SNX25: variants seen among roughly 807,000 people sequenced by gnomAD.
The protein encoded by SNX25 is sorting nexin 25, also known as sorting nexin-25.
Under a neutral mutation model 113.7 loss-of-function variants are expected in SNX25, and 62 were observed. The observed-to-expected ratio is 0.55, with a 90% CI of 0.44 to 0.67. SNX25 has a LOEUF of 0.67. Ranked by LOEUF, SNX25 falls within the 30% of genes least tolerant of loss-of-function variation. The pLI is 0.00. For synonymous variants in SNX25, 421 were observed against 436.2 expected, an observed-to-expected ratio of 0.97 and a Z score of 0.43; for missense variants, 1,014 against 1,161.0, an observed-to-expected ratio of 0.87 and a Z score of 1.84.
intron 7 of SNX25, among the ~76,000 whole-genome samples, chr4:185,312,525 C>CTT (rs35806929): frequency 1.2e-4 from 17 of 139,940 alleles, no homozygotes; most frequent in African/African-American, 2.9e-4. Context: ...TTGATTTGTT[C>CTT]TTTTTTTTTT....
downstream of SNX25, chr4:185,367,190 T>C (rs755045117): frequency 5.6e-6 from 9 of 1,612,654 alleles, no homozygotes; most frequent in Admixed American, 1.7e-5. Context: ...CTAAATTCTT[T>C]GACGAATAAG....
chr4:185,316,848 AT>A (rs1473352227), intron 7 of SNX25, among the ~76,000 whole-genome samples: 2 of 152,180 alleles, frequency 1.3e-5, no homozygotes, highest in African/African-American at 4.8e-5. Context: ...TACAGTTAGG[AT>A]TTTGTGCTTC....
intron 1 of SNX25, among the ~76,000 whole-genome samples, chr4:185,236,762 T>G (rs1009133991): frequency 1.3e-5 from 2 of 152,208 alleles, no homozygotes; most frequent in African/African-American, 4.8e-5. Context: ...TCAGACATTG[T>G]TACAGTACTT....
At chr4:185,345,205 C>G (rs2095279660) in intron 12 of SNX25, among the ~76,000 whole-genome samples, 1 of 152,154 alleles carries the variant, frequency 6.6e-6, no homozygotes, top group African/African-American at 2.4e-5. Context: ...GGGCTATTCT[C>G]TTACCCCTGC....
At chr4:185,221,539 C>A (rs1739857335) in intron 1 of SNX25, among the ~76,000 whole-genome samples, 1 of 152,060 alleles carries the variant, frequency 6.6e-6, no homozygotes, top group African/African-American at 2.4e-5. Flanking sequence ...TCATGTCCCA[C>A]CTAGATGACT....
chr4:185,358,977 C>T (rs899262209), intron 16 of SNX25, among the ~76,000 whole-genome samples: 1 of 152,112 alleles, frequency 6.6e-6, no homozygotes, highest in Non-Finnish European at 1.5e-5. Flanking sequence ...AGAACATTTG[C>T]TATTTTTTTA....
intron 2 of SNX25, among the ~76,000 whole-genome samples, chr4:185,252,372 A>G (rs1423489586): frequency 6.6e-6 from 1 of 152,220 alleles, no homozygotes; most frequent in Admixed American, 6.5e-5. Context: ...TCAGAATGTT[A>G]TTAACTAGCT....
At chr4:185,265,226 G>A (rs1206682369) in intron 4 of SNX25, among the ~76,000 whole-genome samples, 1 of 152,178 alleles carries the variant, frequency 6.6e-6, no homozygotes, top group Non-Finnish European at 1.5e-5. Flanking sequence ...TAACAACAGG[G>A]ATGTGTCCGA....
chr4:185,296,482 T>A (rs1752857275), intron 6 of SNX25, among the ~76,000 whole-genome samples: 1 of 152,118 alleles, frequency 6.6e-6, no homozygotes, highest in African/African-American at 2.4e-5. Context: ...AGGTGGAAAT[T>A]TTTATTTGAT....
At chr4:185,287,669 A>G (rs1188482497) in intron 5 of SNX25, among the ~76,000 whole-genome samples, 2 of 152,230 alleles carry the variant, frequency 1.3e-5, no homozygotes, top group African/African-American at 4.8e-5. Flanking sequence ...GTGCCAATGT[A>G]AGAAGTAGAA....
chr4:185,206,324 T>TG (rs968743881), upstream of SNX25, among the ~76,000 whole-genome samples: 1 of 152,196 alleles, frequency 6.6e-6, no homozygotes, highest in African/African-American at 2.4e-5. Context: ...GCCCATGACT[T>TG]GTGCGCCTCT....
intron 5 of SNX25, 137 bp downstream of exon 5, chr4:185,267,292 C>A: frequency 1.2e-6 from 1 of 805,282 alleles, no homozygotes; most frequent in East Asian, 2.7e-5. Context: ...TTAGTGACAG[C>A]TAAATTTATC....
In SNX25 at chr4:185,210,985, C is replaced by T. The variant is rs1240566602; in HGVS notation, c.429+730C>T. Among the ~76,000 whole-genome samples the T allele has an allele frequency of 6.6e-6, 1 of 152,148 alleles. No homozygotes were observed. The highest frequency in any genetic ancestry group is 1.5e-5 in the Non-Finnish European group (1 of 68,028). ...CAAACCCACTGCCCCATCTTTCTTCCACATTCCTTCTCATAATCCTTTAAA... is the reference window on the plus strand; with the variant it reads ...CAAACCCACTGCCCCATCTTTCTTCTACATTCCTTCTCATAATCCTTTAAA... On this transcript the variant is annotated intron_variant, in intron 1 of 18. Coordinates refer to ENST00000652585, the MANE Select transcript of SNX25 (RefSeq NM_001378034.2). This position sits in a 1 kb window ranked among gnomAD's most constrained non-coding sequence, Gnocchi z 4.4.
At chr4:185,216,523 T>TG (rs1400225625) in intron 1 of SNX25, among the ~76,000 whole-genome samples, 1 of 146,446 alleles carries the variant, frequency 6.8e-6, no homozygotes, top group Non-Finnish European at 1.5e-5. Context: ...GTTTTTTTTT[T>TG]TTTTTTTTTT....
chr4:185,376,534 T>C, the SNX25 span, among the ~76,000 whole-genome samples: 1 of 150,950 alleles, frequency 6.6e-6, no homozygotes, highest in Non-Finnish European at 1.5e-5. Flanking sequence ...CCTCAGGTGA[T>C]CCACCTGCCT....
chr4:185,285,268 T>C (rs573165337), intron 5 of SNX25, among the ~76,000 whole-genome samples: 1 of 152,344 alleles, frequency 6.6e-6, no homozygotes, highest in African/African-American at 2.4e-5. Flanking sequence ...TATTACTGGC[T>C]GGATGCTTTC....
intron 1 of SNX25, among the ~76,000 whole-genome samples, chr4:185,240,938 C>G (rs1441078263): frequency 1.3e-5 from 2 of 150,890 alleles, no homozygotes; most frequent in African/African-American, 2.4e-5. Flanking sequence ...GGCAGAGATG[C>G]TTCTCACTTC....
intron 10 of SNX25, among the ~76,000 whole-genome samples, chr4:185,338,450 G>T (rs1040741351): frequency 6.6e-6 from 1 of 151,708 alleles, no homozygotes; most frequent in Non-Finnish European, 1.5e-5. Flanking sequence ...ACCACACCTG[G>T]CTAATTTTTA....
chr4:185,208,294 G>A (rs1009359284), upstream of SNX25, among the ~76,000 whole-genome samples: 1 of 151,958 alleles, frequency 6.6e-6, no homozygotes, highest in Non-Finnish European at 1.5e-5. Flanking sequence ...GGGATTACAG[G>A]CGTGAGCCAC....
Sources: gnomAD v4.1 joint callset for allele counts (sites outside exome capture counted in the v4.1 genomes callset) on GRCh38, gnomAD v4.1.1 for gene constraint, Gnocchi (gnomAD v3.1) non-coding constraint, MANE v1.5 for transcripts, NCBI Gene and HGNC (gene_info 2026-07-23, HGNC 2026-07-21) for gene names.